The following RSPRY1 variants were observed in gnomAD, a reference collection of about 807,000 sequenced individuals.
The protein encoded by RSPRY1 is ring finger and SPRY domain containing 1.
Under a neutral mutation model 73.1 loss-of-function variants are expected in RSPRY1, and 23 were observed. That is an observed-to-expected ratio of 0.31 (90% CI 0.23 to 0.45). RSPRY1 has a LOEUF of 0.45. Among genes scored for constraint, RSPRY1 ranks in the 20% least tolerant of loss-of-function variants. The probability of loss-of-function intolerance (pLI) is 1.00; values close to 1 mark genes in which losing one functional copy is unlikely to be tolerated. For synonymous variants in RSPRY1, 226 were observed against 251.4 expected (o/e 0.90, Z 0.95); for missense variants, 448 against 698.7 (o/e 0.64, Z 4.05).
chr16:57,192,093 C>T (rs2074360474), intron 1 of RSPRY1, among the ~76,000 whole-genome samples: 1 of 152,130 alleles, frequency 6.6e-6, no homozygotes, highest in South Asian at 2.1e-4. Flanking sequence ...AGAATAAATT[C>T]ACCTAAGATA....
chr16:57,203,347 A>C (rs1256345164), intron 1 of RSPRY1, among the ~76,000 whole-genome samples: 1 of 152,200 alleles, frequency 6.6e-6, no homozygotes. Flanking sequence ...TTTCTCTTCT[A>C]ATTCCACTGA....
chr16:57,215,240 G>C (rs1296616581), intron 6 of RSPRY1, among the ~76,000 whole-genome samples: 1 of 152,184 alleles, frequency 6.6e-6, no homozygotes, highest in Non-Finnish European at 1.5e-5. Context: ...TCTGATGAGA[G>C]AAGACAGTGT....
At chr16:57,187,456 G>A (rs927182544) in intron 1 of RSPRY1, among the ~76,000 whole-genome samples, 1 of 151,742 alleles carries the variant, frequency 6.6e-6, no homozygotes, top group Non-Finnish European at 1.5e-5. Flanking sequence ...TATCGACTGA[G>A]TAGAATCCCG....
At chr16:57,189,812 A>G (rs1353767188) in intron 1 of RSPRY1, among the ~76,000 whole-genome samples, 2 of 151,460 alleles carry the variant, frequency 1.3e-5, no homozygotes, top group Admixed American at 1.3e-4. Flanking sequence ...GCTGGTCTCA[A>G]ACTCCTGGGC....
At chr16:57,201,853 G>T (rs1693290370) in intron 1 of RSPRY1, among the ~76,000 whole-genome samples, 1 of 152,212 alleles carries the variant, frequency 6.6e-6, no homozygotes, top group Non-Finnish European at 1.5e-5. Flanking sequence ...CAGGCACTCG[G>T]CAGGCTGAGG....
At chr16:57,186,328 G>A (rs751429057), upstream of RSPRY1, 17 of 216,720 alleles carry the variant, frequency 7.8e-5, no homozygotes, top group Non-Finnish European at 1.0e-4. Context: ...GCGGGGGTGG[G>A]CTCTGCGCGT....
rs1226485792 is a variant in RSPRY1 at position 57,211,298 on chromosome 16, G to T, written c.517-1674G>T. Among the ~76,000 whole-genome samples the T allele has an allele frequency of 2.0e-5, 3 of 150,452 alleles. No homozygotes were observed. The South Asian group carries it at 6.3e-4, about 32-fold the overall frequency. ...AAAAAAAAAAAAGAAAGCCAGGCAC[G>T]GTGGCTCATGCCTGTAATCCCAACA... On this transcript the variant is annotated intron_variant, in intron 4 of 14. Coordinates refer to ENST00000394420, the MANE Select transcript of RSPRY1 (RefSeq NM_133368.3).
intron 4 of RSPRY1, among the ~76,000 whole-genome samples, chr16:57,210,477 T>C (rs1162991816): frequency 2.7e-5 from 4 of 150,636 alleles, no homozygotes; most frequent in Non-Finnish European, 4.4e-5. Context: ...CTGAGGTGGG[T>C]GGATCACCTG....
intron 10 of RSPRY1, among the ~76,000 whole-genome samples, chr16:57,226,309 C>T (rs1232438961): frequency 6.6e-6 from 1 of 152,148 alleles, no homozygotes; most frequent in Non-Finnish European, 1.5e-5. Context: ...GGTTTTTGGA[C>T]CTCGCGCAAG....
At position 57,204,524 on chromosome 16, in the gene RSPRY1, A is replaced by G. The variant is rs1220785879; in HGVS notation, c.-135A>G. 3 of 742,340 alleles carry G rather than the reference A, an allele frequency of 4.0e-6. No homozygotes were observed. The African/African-American group carries it at 5.2e-5, about 13-fold the overall frequency. 46.0% of individuals were successfully genotyped at this position (742,340 alleles called of 1,614,324 possible). A position where few individuals can be genotyped will look rare whatever the true frequency, so the allele number is the denominator to read the frequency against. ...TTTAGAACTGCCATTGGATGTCCAG[A>G]ATCCCCTGTAGTTGATAATGTTGGG... On this transcript the variant is annotated 5_prime_UTR_variant, in exon 2 of 15. Coordinates refer to ENST00000394420, the MANE Select transcript of RSPRY1 (RefSeq NM_133368.3).
intron 4 of RSPRY1, among the ~76,000 whole-genome samples, chr16:57,211,311 T>G (rs1207649896): frequency 1.3e-5 from 2 of 150,850 alleles, no homozygotes; most frequent in Non-Finnish European, 2.9e-5. Context: ...GGCTCATGCC[T>G]GTAATCCCAA....
At chr16:57,203,078 G>A (rs1170698364) in intron 1 of RSPRY1, among the ~76,000 whole-genome samples, 5 of 151,868 alleles carry the variant, frequency 3.3e-5, no homozygotes, top group Non-Finnish European at 7.4e-5. Context: ...GGCCGAGGTG[G>A]GCAGATAGCC....
intron 1 of RSPRY1, among the ~76,000 whole-genome samples, chr16:57,201,697 C>T (rs1193041982): frequency 1.3e-5 from 2 of 152,372 alleles, no homozygotes; most frequent in East Asian, 3.9e-4. Flanking sequence ...GCGACTCCGT[C>T]TGCCATCCCG....
chr16:57,202,394 A>G (rs377648727), intron 1 of RSPRY1, among the ~76,000 whole-genome samples: 4 of 152,338 alleles, frequency 2.6e-5, no homozygotes, highest in African/African-American at 9.6e-5. Flanking sequence ...AGAAACCAGC[A>G]TAATTTATAA....
chr16:57,229,742 G>C (rs1230345149), intron 11 of RSPRY1, among the ~76,000 whole-genome samples: 4 of 98,204 alleles, frequency 4.1e-5, no homozygotes, highest in Non-Finnish European at 7.2e-5. Flanking sequence ...GTCTCACTCT[G>C]TCACCCAGGC....
At chr16:57,198,126 C>G (rs1367887125) in intron 1 of RSPRY1, among the ~76,000 whole-genome samples, 1 of 152,064 alleles carries the variant, frequency 6.6e-6, no homozygotes, top group African/African-American at 2.4e-5. Context: ...TGGCTCACAC[C>G]TGTAATCCCA....
intron 3 of RSPRY1, 71 bp downstream of exon 3, chr16:57,208,181 TTTTTGTTTTG>T: frequency 1.0e-6 from 1 of 975,316 alleles, no homozygotes; most frequent in South Asian, 1.5e-5. Context: ...CACCTTTTGT[TTTTTGTTTTG>T]TTTTGTTTTG....
At chr16:57,230,174 CT>C (rs2075192988) in intron 11 of RSPRY1, among the ~76,000 whole-genome samples, 1 of 151,484 alleles carries the variant, frequency 6.6e-6, no homozygotes, top group Non-Finnish European at 1.5e-5. Context: ...CCACACCCAG[CT>C]AATTTTTGTA....
intron 1 of RSPRY1, among the ~76,000 whole-genome samples, chr16:57,197,898 A>T (rs2074480750): frequency 6.7e-6 from 1 of 149,484 alleles, no homozygotes; most frequent in South Asian, 2.1e-4. Flanking sequence ...TAATTTCTTA[A>T]TTTTTTCTGT....
Sources: allele counts gnomAD v4.1 joint callset (sites outside exome capture counted in the v4.1 genomes callset), GRCh38; gene constraint gnomAD v4.1.1; transcripts MANE v1.5; gene names NCBI Gene and HGNC (gene_info 2026-07-23, HGNC 2026-07-21).